Variants in NDE1 observed in about 807,000 individuals in gnomAD.
NDE1 encodes the protein nuclear distribution protein nudE homolog 1.
NDE1 carries 28 observed loss-of-function variants against 43.4 expected under a neutral mutation model. The observed-to-expected ratio is 0.65, with a 90% CI of 0.48 to 0.89. The LOEUF is 0.89. Among genes scored for constraint, NDE1 ranks in the 40% least tolerant of loss-of-function variants. The pLI is 0.00. For synonymous variants in NDE1, 184 were observed against 172.0 expected (o/e 1.07, Z -0.55); for missense variants, 441 against 434.1 (o/e 1.02, Z -0.14).
At chr16:15,678,750 T>TA (rs2038015397) in intron 4 of NDE1, among the ~76,000 whole-genome samples, 2 of 152,184 alleles carry the variant, frequency 1.3e-5, no homozygotes, top group Non-Finnish European at 2.9e-5. Flanking sequence ...CACTTGTTTT[T>TA]AAAAAATTTA....
chr16:15,674,311 T>C (rs2037753571), intron 3 of NDE1, among the ~76,000 whole-genome samples: 1 of 152,020 alleles, frequency 6.6e-6, no homozygotes, highest in Non-Finnish European at 1.5e-5. Context: ...TGGCACAATC[T>C]CTGCTCACTG....
rs528862776 is a variant in NDE1 at position 15,699,582 on chromosome 16, T to C, written c.947+2722T>C. The C allele has an allele frequency of 6.2e-5, 75 of 1,200,808 alleles. No homozygotes were observed. In the African/African-American group the frequency reaches 1.0e-3, roughly 16 times the overall value. 74.4% of individuals were successfully genotyped at this position (1,200,808 alleles called of 1,614,324 possible). ...TGAGAGCCAGGTAGCCAGTGTCCTC[T>C]TCTTCATTTCACAGGAGAGAAAATT... On this transcript the variant is annotated intron_variant, in intron 8 of 8. Transcript: ENST00000396354.
At chr16:15,721,288 C>A in intron 8 of NDE1, 2 of 1,136,232 alleles carry the variant, frequency 1.8e-6, no homozygotes, top group South Asian at 1.3e-5. Flanking sequence ...CTGCACCAGT[C>A]CAAAAACCTC....
chr16:15,686,156 C>T (rs528304360), intron 4 of NDE1, among the ~76,000 whole-genome samples: 69 of 151,868 alleles, frequency 4.5e-4, no homozygotes, highest in African/African-American at 1.6e-3. Flanking sequence ...TTCACCATGT[C>T]GGCCAGGCTG....
chr16:15,715,277 A>C, intron 8 of NDE1: 1 of 1,613,958 alleles, frequency 6.2e-7, no homozygotes, highest in African/African-American at 1.3e-5. Flanking sequence ...TTCTCTCTGC[A>C]AACAGCAAGG....
At chr16:15,645,780 A>T (rs2036319968), upstream of NDE1, among the ~76,000 whole-genome samples, 3 of 152,180 alleles carry the variant, frequency 2.0e-5, no homozygotes, top group South Asian at 6.2e-4. Flanking sequence ...AAACCGAAAG[A>T]CTTTTTTGTG....
At chr16:15,648,762 C>T (rs1490725874), upstream of NDE1, among the ~76,000 whole-genome samples, 2 of 152,114 alleles carry the variant, frequency 1.3e-5, no homozygotes, top group South Asian at 2.1e-4. Flanking sequence ...GAGCCGAGAT[C>T]GCACCATTGC....
intron 1 of NDE1, among the ~76,000 whole-genome samples, chr16:15,652,744 G>A (rs1339307880): frequency 1.3e-5 from 2 of 152,112 alleles, no homozygotes; most frequent in Admixed American, 1.3e-4. Flanking sequence ...GCTCACTGCA[G>A]TCTCGACCTC....
chr16:15,708,513 C>T (rs867324329), intron 8 of NDE1, among the ~76,000 whole-genome samples: 3 of 152,232 alleles, frequency 2.0e-5, no homozygotes, highest in Non-Finnish European at 2.9e-5. Context: ...CACACACAGC[C>T]TCTGCCATCT....
chr16:15,696,955 T>TAAA (rs2039046582), intron 8 of NDE1, 95 bp downstream of exon 8: 2 of 1,557,352 alleles, frequency 1.3e-6, no homozygotes, highest in Non-Finnish European at 8.7e-7. Flanking sequence ...TGTGTCTTTT[T>TAAA]AAATTATAGG....
At chr16:15,708,972 A>G (rs2039625186) in intron 8 of NDE1, 6 of 985,024 alleles carry the variant, frequency 6.1e-6, no homozygotes, top group Non-Finnish European at 6.3e-6. Flanking sequence ...ATTTTGAGAT[A>G]GTCTCTGTCA....
intron 4 of NDE1, among the ~76,000 whole-genome samples, chr16:15,679,678 A>G (rs1005879035): frequency 6.6e-6 from 1 of 152,040 alleles, no homozygotes; most frequent in Non-Finnish European, 1.5e-5. Flanking sequence ...TCTGGGTCAC[A>G]TTTTCTTTAT....
chr16:15,719,016 T>C, intron 8 of NDE1: 1 of 623,182 alleles, frequency 1.6e-6, no homozygotes, highest in South Asian at 1.7e-5. Flanking sequence ...TAGTCTCAGC[T>C]ACTCAGAAGG....
intron 4 of NDE1, among the ~76,000 whole-genome samples, chr16:15,679,692 C>T (rs1453741653): frequency 1.3e-5 from 2 of 152,168 alleles, no homozygotes; most frequent in Admixed American, 1.3e-4. Context: ...TCTTTATACT[C>T]CACGCATTCA....
intron 6 of NDE1, 31 bp downstream of exon 6, chr16:15,691,354 C>T (rs779863196): frequency 6.0e-5 from 97 of 1,609,270 alleles, no homozygotes; most frequent in Admixed American, 8.4e-5. Flanking sequence ...AGGATTTTCT[C>T]GGTTCACAAA....
intron 1 of NDE1, among the ~76,000 whole-genome samples, chr16:15,656,297 G>C (rs2036764521): frequency 6.6e-6 from 1 of 151,998 alleles, no homozygotes; most frequent in South Asian, 2.1e-4. Flanking sequence ...CTCTTGGTTG[G>C]AGTGAAAGAT....
At chr16:15,665,957 T>C (rs1473016455) in intron 2 of NDE1, among the ~76,000 whole-genome samples, 1 of 152,082 alleles carries the variant, frequency 6.6e-6, no homozygotes, top group Non-Finnish European at 1.5e-5. Context: ...GGTTTCTCCA[T>C]GTTGGTCAGG....
chr16:15,644,478 G>A (rs1415765625), intron 1 of NDE1, among the ~76,000 whole-genome samples: 1 of 152,180 alleles, frequency 6.6e-6, no homozygotes, highest in Non-Finnish European at 1.5e-5. Context: ...TATTACTGCT[G>A]ACTAAATCTT....
chr16:15,717,186 C>A (rs1326004706), intron 8 of NDE1: 2 of 1,614,096 alleles, frequency 1.2e-6, no homozygotes, highest in Non-Finnish European at 1.7e-6. Context: ...ATCTTGGCCT[C>A]CAGCGCCGCG....
Sources: allele counts gnomAD v4.1 joint callset (sites outside exome capture counted in the v4.1 genomes callset), GRCh38; gene constraint gnomAD v4.1.1; transcripts MANE v1.5; gene names NCBI Gene and HGNC (gene_info 2026-07-23, HGNC 2026-07-21).